IQCK: variants seen among roughly 807,000 people sequenced by gnomAD.
IQCK encodes the protein IQ motif containing K, also known as IQ domain-containing protein K.
IQCK carries 29 observed loss-of-function variants against 28.1 expected under a neutral mutation model. The ratio of observed to expected loss-of-function variants is 1.03; its 90% CI spans 0.77 to 1.41. The LOEUF (loss-of-function observed/expected upper bound fraction) is 1.41, where lower values mean the gene tolerates loss of function less well. IQCK is among the 40% of genes most tolerant of loss of function. The pLI, the probability that IQCK is intolerant of heterozygous loss-of-function variation, is 0.00. For synonymous variants in IQCK, 113 were observed against 115.1 expected (o/e 0.98, Z 0.12); for missense variants, 359 against 314.7 (o/e 1.14, Z -1.07).
chr16:19,731,315 A>C (rs1290949977), intron 2 of IQCK, among the ~76,000 whole-genome samples: 1 of 152,202 alleles, frequency 6.6e-6, no homozygotes, highest in Non-Finnish European at 1.5e-5. Context: ...TTAAAAAGCA[A>C]GGCTCTGAGA....
intron 9 of IQCK, among the ~76,000 whole-genome samples, chr16:19,834,492 C>T (rs954138800): frequency 2.6e-5 from 4 of 152,204 alleles, no homozygotes; most frequent in Admixed American, 1.3e-4. Context: ...AGCTTCTCAG[C>T]ATGGTAACTA....
intron 9 of IQCK, among the ~76,000 whole-genome samples, chr16:19,850,844 A>G (rs975189822): frequency 1.4e-4 from 21 of 152,072 alleles, no homozygotes; most frequent in Non-Finnish European, 2.5e-4. Flanking sequence ...GCAAGACCCT[A>G]TCTCAACCCA....
chr16:19,807,383 A>G (rs1045293492), intron 7 of IQCK, among the ~76,000 whole-genome samples: 1 of 152,238 alleles, frequency 6.6e-6, no homozygotes, highest in Admixed American at 6.5e-5. Context: ...TTATGCAGCA[A>G]TGGAGACCAA....
At position 19,769,906 on chromosome 16, in the gene IQCK, A is replaced by G. The variant is rs190630476; in HGVS notation, c.605+5794A>G. ...GTAGAATGGATGGATGACCCAGGAT[A>G]AATTTAGGGGTAGAGAAGGGTTGTA... On this transcript the variant is annotated intron_variant, in intron 6 of 7. Coordinates refer to ENST00000564186, the Ensembl canonical transcript of IQCK. Among the ~76,000 whole-genome samples, 56 of 152,248 alleles carry G rather than the reference A, an allele frequency of 3.7e-4. No individual in the cohort carries two copies. In the East Asian group the frequency reaches 0.01, roughly 28 times the overall value.
intron 2 of IQCK, among the ~76,000 whole-genome samples, chr16:19,732,360 C>T (rs1444251714): frequency 6.6e-6 from 1 of 152,156 alleles, no homozygotes; most frequent in African/African-American, 2.4e-5. Flanking sequence ...CTATGAATAG[C>T]AAAACACTGA....
At chr16:19,730,905 G>T (rs568358520) in intron 2 of IQCK, among the ~76,000 whole-genome samples, 1 of 152,188 alleles carries the variant, frequency 6.6e-6, no homozygotes, top group African/African-American at 2.4e-5. Flanking sequence ...GGGATTTTTT[G>T]TCGAGACGGG....
At position 19,738,649 on chromosome 16, in the gene IQCK, A is replaced by T. The variant is rs2054789021; in HGVS notation, c.474+3199A>T. On this transcript the variant is annotated intron_variant, in intron 4 of 7. Coordinates refer to ENST00000564186, the Ensembl canonical transcript of IQCK. ...ATGGGATTATTATGCCGATGAAATG[A>T]GGTAGCTCATGTAAAGTACTTAGGC... Among the ~76,000 whole-genome samples, 3 of 152,208 alleles carry T rather than the reference A, an allele frequency of 2.0e-5. No individual in the cohort carries two copies. In the South Asian group the frequency reaches 6.2e-4, roughly 31 times the overall value.
At chr16:19,813,734 TA>T (rs2055937742) in intron 7 of IQCK, among the ~76,000 whole-genome samples, 1 of 152,160 alleles carries the variant, frequency 6.6e-6, no homozygotes, top group South Asian at 2.1e-4. Context: ...AAATAGTTAT[TA>T]ACCAATAGGA....
chr16:19,754,679 T>C (rs949766546), intron 4 of IQCK, among the ~76,000 whole-genome samples: 4 of 152,186 alleles, frequency 2.6e-5, no homozygotes, highest in African/African-American at 9.7e-5. Context: ...CTCATAGTCA[T>C]TCATTGTAGT....
chr16:19,760,952 T>C (rs903017373), intron 4 of IQCK, among the ~76,000 whole-genome samples: 1 of 152,184 alleles, frequency 6.6e-6, no homozygotes, highest in African/African-American at 2.4e-5. Context: ...TGCCATGGCA[T>C]TTGTAAACTG....
At chr16:19,728,420 T>C (rs1209164731) in intron 1 of IQCK, among the ~76,000 whole-genome samples, 3 of 152,130 alleles carry the variant, frequency 2.0e-5, no homozygotes, top group Admixed American at 2.0e-4. Flanking sequence ...CAGCTAATTT[T>C]TGTATTTTTA....
chr16:19,832,379 A>G (rs1276438292), intron 9 of IQCK, among the ~76,000 whole-genome samples: 1 of 138,346 alleles, frequency 7.2e-6, no homozygotes, highest in African/African-American at 2.8e-5. Context: ...AAAGGCAGAG[A>G]CTTGGAGAGA....
intron 7 of IQCK, among the ~76,000 whole-genome samples, chr16:19,821,942 T>C (rs2056076790): frequency 6.6e-6 from 1 of 150,630 alleles, no homozygotes; most frequent in Non-Finnish European, 1.5e-5. Flanking sequence ...TAGCTGGGTG[T>C]GGTGGCACGC....
Position 19,802,986 on chromosome 16 carries a change from G to A in IQCK, c.690+14064G>A, listed in dbSNP as rs186569049. ...AACCTATGGATTGTGATGGTCTCGA[G>A]CTTCACTGTTCATCAAAGCCATCCA... On this transcript the variant is annotated intron_variant, in intron 7 of 7. Coordinates refer to ENST00000564186, the Ensembl canonical transcript of IQCK. Among the ~76,000 whole-genome samples the A allele has an allele frequency of 4.9e-3, 746 of 152,234 alleles. 5 individuals are homozygous for A. The highest frequency in any genetic ancestry group is 0.018 in the African/African-American group (731 of 41,540).
chr16:19,829,158 C>T (rs1345581688), downstream of IQCK, among the ~76,000 whole-genome samples: 1 of 151,296 alleles, frequency 6.6e-6, no homozygotes, highest in Non-Finnish European at 1.5e-5. Context: ...TTATGAGAAA[C>T]TACAAAAAAT....
intron 9 of IQCK, among the ~76,000 whole-genome samples, chr16:19,845,544 G>A (rs898201843): frequency 5.3e-5 from 8 of 152,198 alleles, no homozygotes; most frequent in Non-Finnish European, 1.0e-4. Context: ...CCAGATGGTG[G>A]CTGTTTAAAC....
At chr16:19,857,514 T>C (rs1206636499) in exon 10 of IQCK, 2 of 413,526 alleles carry the variant, frequency 4.8e-6, no homozygotes, top group Non-Finnish European at 9.3e-6. Context: ...TTAATGCATT[T>C]AATAAATATA....
At chr16:19,857,362 A>G (rs2056574540) in exon 10 of IQCK, 1 of 409,796 alleles carries the variant, frequency 2.4e-6, no homozygotes, top group Non-Finnish European at 4.7e-6. Flanking sequence ...CTATCTGCCC[A>G]TGGTTTACAG....
intron 4 of IQCK, among the ~76,000 whole-genome samples, chr16:19,754,190 C>T (rs756686556): frequency 1.2e-4 from 19 of 152,118 alleles, no homozygotes; most frequent in Non-Finnish European, 2.4e-4. Flanking sequence ...AGTTTGGGGG[C>T]ATTTAATAAC....
Sources: gnomAD v4.1 joint callset for allele counts (sites outside exome capture counted in the v4.1 genomes callset) on GRCh38, gnomAD v4.1.1 for gene constraint, MANE v1.5 for transcripts, NCBI Gene and HGNC (gene_info 2026-07-23, HGNC 2026-07-21) for gene names.